Variants in TANGO6 observed in about 807,000 individuals in gnomAD.
TANGO6 encodes the protein transport and golgi organization 6 homolog.
A neutral mutation model predicts 114.2 loss-of-function variants in TANGO6; 90 were observed. That is an observed-to-expected ratio of 0.79 (90% CI 0.66 to 0.94). The LOEUF (loss-of-function observed/expected upper bound fraction) is 0.94, where lower values mean the gene tolerates loss of function less well. Among genes scored for constraint, TANGO6 ranks in the 40% least tolerant of loss-of-function variants. The probability of loss-of-function intolerance (pLI) is 0.00; values close to 1 mark genes in which losing one functional copy is unlikely to be tolerated. For missense variants in TANGO6, 1,274 were observed against 1,315.3 expected, an observed-to-expected ratio of 0.97 and a Z score of 0.49; for synonymous variants, 477 against 509.8, an observed-to-expected ratio of 0.94 and a Z score of 0.87.
At chr16:69,081,094 C>T (rs1454129363) in intron 17 of TANGO6, among the ~76,000 whole-genome samples, 4 of 152,046 alleles carry the variant, frequency 2.6e-5, no homozygotes, top group Non-Finnish European at 2.9e-5. Flanking sequence ...GCCAAGAGTG[C>T]GCCACTGCAC....
At chr16:68,857,782 A>G (rs1962022971) in intron 1 of TANGO6, among the ~76,000 whole-genome samples, 1 of 152,172 alleles carries the variant, frequency 6.6e-6, no homozygotes, top group African/African-American at 2.4e-5. Flanking sequence ...GATATTGGGC[A>G]TCTTTTCATA....
At chr16:68,974,760 A>G (rs933499408) in intron 15 of TANGO6, among the ~76,000 whole-genome samples, 2 of 152,064 alleles carry the variant, frequency 1.3e-5, no homozygotes, top group Non-Finnish European at 2.9e-5. Context: ...CTCACACTTG[A>G]GCAGCAGCAA....
chr16:69,082,794 G>T (rs571947646), intron 17 of TANGO6, among the ~76,000 whole-genome samples: 1 of 152,096 alleles, frequency 6.6e-6, no homozygotes, highest in African/African-American at 2.4e-5. Flanking sequence ...CGTACTGTGG[G>T]TGCCAGCAGA....
chr16:68,934,597 G>A (rs1963282076), intron 14 of TANGO6, among the ~76,000 whole-genome samples: 1 of 152,098 alleles, frequency 6.6e-6, no homozygotes, highest in South Asian at 2.1e-4. Context: ...GGGGGTCCAG[G>A]AGGCCACATG....
rs1961826118 is a variant in TANGO6, at chr16:68,847,302, T to C, written c.94+3591T>C. Among the ~76,000 whole-genome samples, 4 of 152,300 alleles carry C rather than the reference T, an allele frequency of 2.6e-5. No homozygotes were observed. The South Asian group carries it at 8.3e-4, about 32-fold the overall frequency. Reference sequence around the variant, plus strand: ...GGCACATCATGACCTAGTATTATTATGAAATGGTTTTGACCTTGCAGACCC... The same window carrying C: ...GGCACATCATGACCTAGTATTATTACGAAATGGTTTTGACCTTGCAGACCC... On this transcript the variant is annotated intron_variant, in intron 1 of 17. Coordinates refer to ENST00000261778, the MANE Select transcript of TANGO6 (RefSeq NM_024562.2).
At chr16:69,009,795 G>A (rs1964129281) in intron 15 of TANGO6, among the ~76,000 whole-genome samples, 1 of 152,056 alleles carries the variant, frequency 6.6e-6, no homozygotes, top group South Asian at 2.1e-4. Flanking sequence ...CAATGCAATT[G>A]CAAATGGAAT....
chr16:68,889,421 G>C (rs150989996), intron 7 of TANGO6, among the ~76,000 whole-genome samples: 50 of 152,272 alleles, frequency 3.3e-4, no homozygotes, highest in African/African-American at 1.1e-3. Flanking sequence ...GGCAGAGCAA[G>C]TCCAGGAACC....
chr16:69,036,160 G>A (rs1336004447), intron 16 of TANGO6: 1 of 152,080 alleles, frequency 6.6e-6, no homozygotes, highest in African/African-American at 2.4e-5. Flanking sequence ...GTAGAACTCA[G>A]TGTTCATTAT....
intron 15 of TANGO6, among the ~76,000 whole-genome samples, chr16:69,003,724 A>G (rs994560510): frequency 4.6e-5 from 7 of 152,176 alleles, no homozygotes; most frequent in African/African-American, 1.4e-4. Context: ...CATGACTTAC[A>G]TAGACCACCT....
chr16:69,028,240 C>T (rs956912669), intron 16 of TANGO6, among the ~76,000 whole-genome samples: 8 of 152,114 alleles, frequency 5.3e-5, no homozygotes, highest in Non-Finnish European at 1.2e-4. Context: ...GGATTATAGG[C>T]GTGAGCCACC....
chr16:69,017,071 T>C (rs1959312874), intron 15 of TANGO6, among the ~76,000 whole-genome samples: 1 of 151,998 alleles, frequency 6.6e-6, no homozygotes, highest in Non-Finnish European at 1.5e-5. Context: ...AATTGAAGGG[T>C]AACAGGGAGT....
intron 12 of TANGO6, among the ~76,000 whole-genome samples, chr16:68,926,088 GC>G (rs1963164275): frequency 6.6e-6 from 1 of 151,178 alleles, no homozygotes; most frequent in African/African-American, 2.4e-5. Flanking sequence ...TAAAAAAGAG[GC>G]CAAATAGACT....
intron 14 of TANGO6, among the ~76,000 whole-genome samples, chr16:68,955,208 G>T (rs977505011): frequency 2.0e-5 from 3 of 152,152 alleles, no homozygotes; most frequent in African/African-American, 4.8e-5. Flanking sequence ...TAATGAAATC[G>T]TTGCTTGGAA....
intron 17 of TANGO6, among the ~76,000 whole-genome samples, chr16:69,072,159 T>C (rs1314985301): frequency 1.5e-5 from 2 of 133,780 alleles, no homozygotes; most frequent in Non-Finnish European, 3.2e-5. Flanking sequence ...GTGTGTCACA[T>C]GCGCTCTCTA....
chr16:68,980,436 T>TATATATATATATATATATA (rs1491286056), intron 15 of TANGO6, among the ~76,000 whole-genome samples: 1 of 69,406 alleles, frequency 1.4e-5, no homozygotes, highest in African/African-American at 7.1e-5. Context: ...TATATATATA[T>TATATATATATATATATATA]TTTTTTTTTT....
chr16:68,852,349 A>G (rs1305035859), intron 1 of TANGO6, among the ~76,000 whole-genome samples: 2 of 152,206 alleles, frequency 1.3e-5, no homozygotes, highest in Non-Finnish European at 2.9e-5. Flanking sequence ...TAAATCATGC[A>G]GTATTGGACA....
At chr16:68,910,296 A>G (rs1206199616) in intron 11 of TANGO6, among the ~76,000 whole-genome samples, 4 of 152,196 alleles carry the variant, frequency 2.6e-5, no homozygotes, top group Non-Finnish European at 4.4e-5. Context: ...TGCCTGTTTA[A>G]TGAGAATTAT....
chr16:68,854,240 G>A (rs1961949801), intron 1 of TANGO6, among the ~76,000 whole-genome samples: 1 of 152,142 alleles, frequency 6.6e-6, no homozygotes, highest in Admixed American at 6.6e-5. Flanking sequence ...AATTGCTTAA[G>A]CATAGGAGTT....
chr16:69,027,282 A>G (rs1597063544), intron 16 of TANGO6, among the ~76,000 whole-genome samples: 2 of 151,962 alleles, frequency 1.3e-5, no homozygotes. Context: ...AGCTTCATAT[A>G]TTTTGCTTTA....
Sources: allele counts gnomAD v4.1 joint callset (sites outside exome capture counted in the v4.1 genomes callset), GRCh38; gene constraint gnomAD v4.1.1; transcripts MANE v1.5; gene names NCBI Gene and HGNC (gene_info 2026-07-23, HGNC 2026-07-21).